The following GTPBP2 variants were observed in gnomAD, a reference collection of about 807,000 sequenced individuals.
The protein encoded by GTPBP2 is GTP binding protein 2.
In GTPBP2, 32 loss-of-function variants were observed where a neutral mutation model predicts 63.0. The observed-to-expected ratio is 0.51, with a 90% confidence interval of 0.38 to 0.68. The LOEUF is 0.68. Among genes scored for constraint, GTPBP2 ranks in the 30% least tolerant of loss-of-function variants. The pLI, the probability that GTPBP2 is intolerant of heterozygous loss-of-function variation, is 0.00. For synonymous variants in GTPBP2, 310 were observed against 322.6 expected, an observed-to-expected ratio of 0.96 and a Z score of 0.42; for missense variants, 492 against 796.9, an observed-to-expected ratio of 0.62 and a Z score of 4.61.
At position 43,628,938 on chromosome 6, in the gene GTPBP2, A is replaced by G. The variant is rs759082086; in HGVS notation, c.186+39T>C. Reference sequence around the variant, plus strand: ...CTCCCTAGAGTCCTGGGCCGGAAAGAGTGGCTTCTTCCCGCCCTACCACTT... The same window carrying G: ...CTCCCTAGAGTCCTGGGCCGGAAAGGGTGGCTTCTTCCCGCCCTACCACTT... On this transcript the variant is annotated intron_variant, in intron 1 of 11. Transcript: ENST00000307126. 3.1e-6 allele frequency: 5 copies of G among 1,597,302 alleles called. No individual in the cohort carries two copies. In the Admixed American group the frequency reaches 5.0e-5, roughly 16 times the overall value.
In GTPBP2 at chr6:43,626,865, C is replaced by G; in HGVS notation, c.213+57G>C. 7.6e-7 allele frequency: 1 copy of G among 1,319,560 alleles called. No individual in the cohort carries two copies. The highest frequency in any genetic ancestry group is 1.1e-6 in the Non-Finnish European group (1 of 938,644). 81.7% of individuals were successfully genotyped at this position (1,319,560 alleles called of 1,614,324 possible). A position where few individuals can be genotyped will look rare whatever the true frequency, so the allele number is the denominator to read the frequency against. On this transcript the variant is annotated intron_variant, in intron 2 of 11. Coordinates refer to ENST00000307126, the MANE Select transcript of GTPBP2 (RefSeq NM_019096.5). This position sits in a 1 kb window ranked among gnomAD's most constrained non-coding sequence, Gnocchi z 4.0. ...AGAAAGAAAGAAAAAAGAAATTATCCCACACTGGCAAGGACAACCTACCCC... is the reference window on the plus strand; with the variant it reads ...AGAAAGAAAGAAAAAAGAAATTATCGCACACTGGCAAGGACAACCTACCCC...
chr6:43,622,903 G>T lies in GTPBP2; in HGVS notation c.1296-99C>A. 2.1e-6 allele frequency: 2 copies of T among 942,610 alleles called. No homozygotes were observed. Among genetic ancestry groups the T allele is most frequent in the Non-Finnish European group, 3.2e-6 (2 of 634,008 alleles). The allele number at this position is 942,610 out of a possible 1,614,324, so 58.4% of individuals were successfully genotyped here. Reference sequence around the variant, plus strand: ...AGCATTCCTTCCCTTCTAGGGTTGAGTCCCTCAAGTGGGGAAGAACCCTAA... The same window carrying T: ...AGCATTCCTTCCCTTCTAGGGTTGATTCCCTCAAGTGGGGAAGAACCCTAA... On this transcript the variant is annotated intron_variant, in intron 9 of 11. Transcript: ENST00000307126. The surrounding 1 kb of genome is among the most constrained non-coding windows in gnomAD (Gnocchi z 5.4).
rs780851275 is a variant in GTPBP2 at position 43,624,005 on chromosome 6, A to G, written c.1164T>C (p.Phe388=). 6.2e-6 allele frequency: 10 copies of G among 1,613,932 alleles called. 1 individual carries two copies. The highest frequency in any genetic ancestry group is 3.3e-5 in the South Asian group (3 of 91,084). Residue 388 remains phenylalanine, a synonymous_variant, in exon 8 of 12, where the codon TTT becomes TTC. Coordinates refer to ENST00000307126, the MANE Select transcript of GTPBP2 (RefSeq NM_019096.5). This position sits in a 1 kb window ranked among gnomAD's most constrained non-coding sequence, Gnocchi z 5.1. Reference sequence around the variant, plus strand: ...TGGTGAGTGGCGGCAGAATATTCAGAAAGACTTTGAGGAGGTCCAGACTCT... The same window carrying G: ...TGGTGAGTGGCGGCAGAATATTCAGGAAGACTTTGAGGAGGTCCAGACTCT... ...SGESLDLLKV[F]LNILPPLTNS...
chr6:43,626,394 G>T lies in GTPBP2; in HGVS notation c.230C>A (p.Pro77Gln), dbSNP rs1288313964. 1.9e-6 allele frequency: 3 copies of T among 1,613,904 alleles called. No homozygotes were observed. Among genetic ancestry groups the T allele is most frequent in the Non-Finnish European group, 2.5e-6 (3 of 1,179,914 alleles). ...NIEYKLKLVN[P>Q]SQYRFEHLVT... ...CAGGTGCTCAAAGCGGTACTGGGAT[G>T]GATTCACCAGCTTCAACTTAGGGCA... The change falls in exon 3 of 12, where the codon CCA becomes CAA. Residue 77 changes from proline (P) to glutamine (Q), a missense_variant. Physicochemically the swap from Pro to Gln is moderately conservative, Grantham distance 76. Transcript: ENST00000307126. This position sits in a 1 kb window ranked among gnomAD's most constrained non-coding sequence, Gnocchi z 4.0.
At position 43,626,994 on chromosome 6, in the gene GTPBP2, T is replaced by C. The variant is rs767149988; in HGVS notation, c.187-46A>G. On this transcript the variant is annotated intron_variant, in intron 1 of 11. Transcript: ENST00000307126. The surrounding 1 kb of genome is among the most constrained non-coding windows in gnomAD (Gnocchi z 4.0). The stretch of plus-strand genomic sequence containing the variant: ...GTTACCATACACTGTACAGACCCAA[T>C]CCCTACTTCCCCTCAATTCCCACTG... The C allele has an allele frequency of 3.3e-6, 5 of 1,517,924 alleles. No homozygotes were observed. In the South Asian group the frequency reaches 4.8e-5, roughly 14 times the overall value. The allele number at this position is 1,517,924 out of a possible 1,614,324, so 94.0% of individuals were successfully genotyped here.
chr6:43,622,689 C>G lies in GTPBP2; in HGVS notation c.1411G>C (p.Ala471Pro). ...RNRSACRVLRAGQAATLALGD... is the reference protein window; with the variant it reads ...RNRSACRVLRPGQAATLALGD... Reference sequence around the variant, plus strand: ...AGCGCCAGTGTAGCAGCCTGACCAGCTCGCAGCACACGACAGGCAGAGCGG... The same window carrying G: ...AGCGCCAGTGTAGCAGCCTGACCAGGTCGCAGCACACGACAGGCAGAGCGG... The change falls in exon 10 of 12, where the codon GCT (alanine) becomes CCT (proline). Residue 471 changes from alanine (A) to proline (P), a missense_variant. Ala to Pro is a conservative substitution (Grantham distance 27). This residue lies in a region of GTPBP2 where 400 missense variants were observed against 710.8 expected (regional missense o/e 0.56). Coordinates refer to ENST00000307126, the MANE Select transcript of GTPBP2 (RefSeq NM_019096.5). This position sits in a 1 kb window ranked among gnomAD's most constrained non-coding sequence, Gnocchi z 5.4. 1 of 1,614,196 alleles carries G rather than the reference C, an allele frequency of 6.2e-7. No homozygotes were observed. Among genetic ancestry groups the G allele is most frequent in the South Asian group, 1.1e-5 (1 of 91,088 alleles).
rs549296196 is a variant in GTPBP2, at chr6:43,627,521, G to A, written c.187-573C>T. ...AAGAGCTCCAAAGCTGGGGCTGAGA[G>A]GAACAGAAAAACTCAGAAAATGTAA... On this transcript the variant is annotated intron_variant, in intron 1 of 11. Coordinates refer to ENST00000307126, the MANE Select transcript of GTPBP2 (RefSeq NM_019096.5). 2.6e-5 allele frequency among the ~76,000 whole-genome samples: 4 copies of A among 152,296 alleles called. No individual in the cohort carries two copies. The South Asian group carries it at 8.3e-4, about 32-fold the overall frequency.
In GTPBP2 at chr6:43,622,947, CAG is replaced by C; in HGVS notation, c.1296-145_1296-144del. On this transcript the variant is annotated intron_variant, in intron 9 of 11. Coordinates refer to ENST00000307126, the MANE Select transcript of GTPBP2 (RefSeq NM_019096.5). This position sits in a 1 kb window ranked among gnomAD's most constrained non-coding sequence, Gnocchi z 5.4. Reference sequence around the variant, plus strand: ...ACCCTAAATTCTGACTTGGATGTAACAGGGCTCACTGCCAGAGTTCAGAATCA... The same window carrying C: ...ACCCTAAATTCTGACTTGGATGTAACGGCTCACTGCCAGAGTTCAGAATCA... The C allele has an allele frequency of 1.6e-6, 1 of 622,450 alleles. No individual in the cohort carries two copies. 38.6% of individuals were successfully genotyped at this position (622,450 alleles called of 1,614,324 possible). A position where few individuals can be genotyped will look rare whatever the true frequency, so the allele number is the denominator to read the frequency against.
Position 43,624,023 on chromosome 6 carries a change from C to G in GTPBP2, c.1146G>C (p.Leu382=), listed in dbSNP as rs993963623. 7 of 1,613,592 alleles carry G rather than the reference C, an allele frequency of 4.3e-6. No homozygotes were observed. Among genetic ancestry groups the G allele is most frequent in the Admixed American group, 3.3e-5 (2 of 59,982 alleles). Residue 382 remains leucine (L), a synonymous_variant, in exon 8 of 12, where the codon CTG becomes CTC. Coordinates refer to ENST00000307126, the MANE Select transcript of GTPBP2 (RefSeq NM_019096.5). The surrounding 1 kb of genome is among the most constrained non-coding windows in gnomAD (Gnocchi z 5.1). The part of the protein sequence containing the change: ...FTLSSVSGES[L]DLLKVFLNIL... ...TATTCAGAAAGACTTTGAGGAGGTC[C>G]AGACTCTCTCCAGACACACTGGACA...
intron 1 of GTPBP2, 151 bp from the exon 2 acceptor site, chr6:43,627,099 G>A (rs1047285547): frequency 4.1e-6 from 3 of 722,984 alleles, no homozygotes; most frequent in African/African-American, 1.8e-5. Flanking sequence ...GTCAGTGGCA[G>A]ACAAGATCCT....
At position 43,629,171 on chromosome 6, in the gene GTPBP2, G is replaced by A. The variant is rs1582357343; in HGVS notation, c.-9C>T. ...GATACCCGCGAGTCCATCCGCCGCT[G>A]CCGCCAGCCCCCCGCCCGGCCCCTC... is the stretch of plus-strand genomic sequence containing the variant. On this transcript the variant is annotated 5_prime_UTR_variant, in exon 1 of 12. Coordinates refer to ENST00000307126, the MANE Select transcript of GTPBP2 (RefSeq NM_019096.5). The A allele has an allele frequency of 1.4e-6, 2 of 1,410,872 alleles. No homozygotes were observed. The highest frequency in any genetic ancestry group is 1.8e-6 in the Non-Finnish European group (2 of 1,091,380). 87.4% of individuals were successfully genotyped at this position (1,410,872 alleles called of 1,614,324 possible).
chr6:43,628,818 T>C lies in GTPBP2; in HGVS notation c.186+159A>G. 2.3e-6 allele frequency: 2 copies of C among 869,748 alleles called. 1 individual carries two copies. The highest frequency in any genetic ancestry group is 4.0e-6 in the Non-Finnish European group (2 of 501,142). The allele number at this position is 869,748 out of a possible 1,614,324, so 53.9% of individuals were successfully genotyped here. A position where few individuals can be genotyped will look rare whatever the true frequency, so the allele number is the denominator to read the frequency against. On this transcript the variant is annotated intron_variant, in intron 1 of 11. Coordinates refer to ENST00000307126, the MANE Select transcript of GTPBP2 (RefSeq NM_019096.5). ...GAGTCCAGTCTCTGCCCTTCCTCCC[T>C]GGGGTCCCGGGACCTGAAAGAGGTG...
chr6:43,629,120 G>A lies in GTPBP2; in HGVS notation c.43C>T (p.Pro15Ser), dbSNP rs950290120. ...VSELFGGCCR[P>S]GGGPAVGGTL... Reference sequence around the variant, plus strand: ...CCGCCCACGGCCGGGCCCCCTCCGGGCCGGCAGCAGCCGCCGAACAGCTCC... The same window carrying A: ...CCGCCCACGGCCGGGCCCCCTCCGGACCGGCAGCAGCCGCCGAACAGCTCC... Residue 15 changes from proline (P) to serine (S), a missense_variant, in exon 1 of 12, where the codon CCC becomes TCC. Pro to Ser is a moderately conservative substitution (Grantham distance 74). This residue lies in a region of GTPBP2 where 92 missense variants were observed against 86.1 expected (regional missense o/e 1.07). Coordinates refer to ENST00000307126, the MANE Select transcript of GTPBP2 (RefSeq NM_019096.5). The A allele has an allele frequency of 3.3e-6, 5 of 1,528,240 alleles. No homozygotes were observed. In the East Asian group the frequency reaches 1.2e-4, roughly 38 times the overall value. 94.7% of individuals were successfully genotyped at this position (1,528,240 alleles called of 1,614,324 possible).
chr6:43,630,011 C>T (rs1329091332), upstream of GTPBP2, among the ~76,000 whole-genome samples: 2 of 152,196 alleles, frequency 1.3e-5, no homozygotes, highest in African/African-American at 4.8e-5. Flanking sequence ...TTCCTCCTCC[C>T]CTTTGTTTTG....
In GTPBP2 at chr6:43,621,015, G is replaced by A. The variant is rs1768681175; in HGVS notation, c.*599C>T. ...GGGACTGGGGAAATGGCCCTTGAGTGAAGGAAAGGGAGATAAAGCTGAGGA... is the reference window on the plus strand; with the variant it reads ...GGGACTGGGGAAATGGCCCTTGAGTAAAGGAAAGGGAGATAAAGCTGAGGA... On this transcript the variant is annotated 3_prime_UTR_variant, in exon 12 of 12. Coordinates refer to ENST00000307126, the MANE Select transcript of GTPBP2 (RefSeq NM_019096.5). 1 of 200,880 alleles carries A rather than the reference G, an allele frequency of 5.0e-6. No homozygotes were observed. The highest frequency in any genetic ancestry group is 2.3e-5 in the African/African-American group (1 of 43,104). The allele number at this position is 200,880 out of a possible 1,614,324, so 12.4% of individuals were successfully genotyped here. A position where few individuals can be genotyped will look rare whatever the true frequency, so the allele number is the denominator to read the frequency against.
In GTPBP2 at chr6:43,621,836, C is replaced by T; in HGVS notation, c.1633-46G>A. ...CTCCCCTGGCCAGTGCCTTCTGTCC[C>T]ATTCTCTGCCAGCCGTGGCTCTCCA... is the stretch of plus-strand genomic sequence containing the variant. On this transcript the variant is annotated intron_variant, in intron 11 of 11. Transcript: ENST00000307126. 3.1e-6 allele frequency: 5 copies of T among 1,613,298 alleles called. 1 individual carries two copies. The South Asian group carries it at 5.5e-5, about 18-fold the overall frequency.
chr6:43,625,883 A>C lies in GTPBP2; in HGVS notation c.399-19T>G, dbSNP rs774696592. 2 of 1,573,870 alleles carry C rather than the reference A, an allele frequency of 1.3e-6. No individual in the cohort carries two copies. Among genetic ancestry groups the C allele is most frequent in the East Asian group, 4.5e-5 (2 of 44,686 alleles). ...CCCAACCCTGTCACAGCAAGGCCAC[A>C]GCTGCCATATCTCACCTGTCCTTCT... On this transcript the variant is annotated intron_variant, in intron 3 of 11. Transcript: ENST00000307126. This position sits in a 1 kb window ranked among gnomAD's most constrained non-coding sequence, Gnocchi z 5.1.
chr6:43,625,942 C>A lies in GTPBP2; in HGVS notation c.399-78G>T, dbSNP rs752923157. ...AGGCTCGCTCTGGACCTACAGACTTCCTGCACCTCCCACAGAGCTCCCAAT... is the reference window on the plus strand; with the variant it reads ...AGGCTCGCTCTGGACCTACAGACTTACTGCACCTCCCACAGAGCTCCCAAT... On this transcript the variant is annotated intron_variant, in intron 3 of 11. Transcript: ENST00000307126. The surrounding 1 kb of genome is among the most constrained non-coding windows in gnomAD (Gnocchi z 5.1). 96 of 1,089,900 alleles carry A rather than the reference C, an allele frequency of 8.8e-5. No homozygotes were observed. Among genetic ancestry groups the A allele is most frequent in the Non-Finnish European group, 1.2e-4 (86 of 706,966 alleles). 67.5% of individuals were successfully genotyped at this position (1,089,900 alleles called of 1,614,324 possible). A position where few individuals can be genotyped will look rare whatever the true frequency, so the allele number is the denominator to read the frequency against.
chr6:43,623,840 G>A (rs1769050964), intron 8 of GTPBP2, 45 bp from the exon 9 acceptor site: 3 of 1,608,886 alleles, frequency 1.9e-6, no homozygotes, highest in Non-Finnish European at 2.6e-6. Flanking sequence ...AAGTAGGGCT[G>A]GTGGGTCCAA....
Sources: allele counts gnomAD v4.1 joint callset (sites outside exome capture counted in the v4.1 genomes callset), GRCh38; gene constraint gnomAD v4.1.1; regional missense constraint gnomAD v4.1.1; non-coding constraint Gnocchi (gnomAD v3.1); transcripts MANE v1.5; gene names NCBI Gene and HGNC (gene_info 2026-07-23, HGNC 2026-07-21).